Variants in ZNF566 observed in about 807,000 individuals in gnomAD.
ZNF566 encodes the protein zinc finger protein 566.
In ZNF566, 27 loss-of-function variants were observed where a neutral mutation model predicts 32.8. The ratio of observed to expected loss-of-function variants is 0.82; its 90% CI spans 0.61 to 1.14. The LOEUF is 1.14. Ranked by LOEUF, ZNF566 falls within the 50% of genes most tolerant of loss-of-function variation. ZNF566 has a pLI of 0.00. For missense variants in ZNF566, 402 were observed against 490.4 expected (o/e 0.82, Z 1.70); for synonymous variants, 154 against 159.5 (o/e 0.97, Z 0.26).
intron 1 of ZNF566, among the ~76,000 whole-genome samples, chr19:36,479,705 G>C (rs2033978495): frequency 6.6e-6 from 1 of 152,228 alleles, no homozygotes; most frequent in Non-Finnish European, 1.5e-5. Flanking sequence ...CACGATCAAA[G>C]CTCGCTGTAG....
At chr19:36,478,027 T>G (rs1239820523) in intron 1 of ZNF566, among the ~76,000 whole-genome samples, 1 of 152,138 alleles carries the variant, frequency 6.6e-6, no homozygotes, top group African/African-American at 2.4e-5. Context: ...AAGAGCACTA[T>G]TATTCTCTAT....
At chr19:36,455,192 T>A (rs990700048) in intron 4 of ZNF566, among the ~76,000 whole-genome samples, 5 of 152,084 alleles carry the variant, frequency 3.3e-5, no homozygotes, top group African/African-American at 1.2e-4. Context: ...CTCAACAAAT[T>A]AGGTGTACAA....
chr19:36,477,911 A>AG (rs2033937309), intron 1 of ZNF566, among the ~76,000 whole-genome samples: 1 of 152,194 alleles, frequency 6.6e-6, no homozygotes, highest in South Asian at 2.1e-4. Context: ...ACATTGTTTA[A>AG]GGGGAAGAAC....
intron 1 of ZNF566, among the ~76,000 whole-genome samples, chr19:36,488,405 T>G (rs1374715806): frequency 6.6e-6 from 1 of 152,170 alleles, no homozygotes; most frequent in Non-Finnish European, 1.5e-5. Context: ...TACAAAAATT[T>G]TTTTAACTCT....
At chr19:36,471,638 C>A (rs1051411991) in intron 4 of ZNF566, among the ~76,000 whole-genome samples, 3 of 152,156 alleles carry the variant, frequency 2.0e-5, no homozygotes, top group South Asian at 4.1e-4. Flanking sequence ...TCCTCTACTT[C>A]TTATTTCTTT....
chr19:36,464,197 A>C (rs2033554894), intron 4 of ZNF566, among the ~76,000 whole-genome samples: 1 of 152,212 alleles, frequency 6.6e-6, no homozygotes, highest in Non-Finnish European at 1.5e-5. Context: ...AACAAGAGTA[A>C]TTAAGGCAGG....
intron 1 of ZNF566, among the ~76,000 whole-genome samples, chr19:36,482,490 G>A (rs1397982548): frequency 6.6e-6 from 1 of 151,016 alleles, no homozygotes; most frequent in Non-Finnish European, 1.5e-5. Flanking sequence ...ATCCTTAAAT[G>A]TAAGAAAAAT....
At chr19:36,472,849 C>T (rs776825394) in intron 4 of ZNF566, 62 bp downstream of exon 4, 2 of 1,342,014 alleles carry the variant, frequency 1.5e-6, no homozygotes, top group Non-Finnish European at 2.1e-6. Flanking sequence ...TCCCAGATAG[C>T]ATCTAAAAGA....
At chr19:36,483,227 CAT>C (rs1363097225) in intron 1 of ZNF566, among the ~76,000 whole-genome samples, 1 of 152,178 alleles carries the variant, frequency 6.6e-6, no homozygotes, top group Non-Finnish European at 1.5e-5. Flanking sequence ...TAGAATTAAA[CAT>C]ATGAGTGTAA....
chr19:36,461,220 G>A (rs1332048606), intron 4 of ZNF566, among the ~76,000 whole-genome samples: 7 of 152,166 alleles, frequency 4.6e-5, no homozygotes. Context: ...TAAATCCCCT[G>A]ATAGCTTGAG....
rs560803094 is a variant in ZNF566, at chr19:36,467,790, CAAAAAAA to C, written c.232+5114_232+5120del. Reference sequence around the variant, plus strand: ...TGGGTGACAGAGCGAGACTCCATCTCAAAAAAAAAAAAAAAAAAAAAAAAAAAAAAAA... The same window carrying C: ...TGGGTGACAGAGCGAGACTCCATCTCAAAAAAAAAAAAAAAAAAAAAAAAA... On this transcript the variant is annotated intron_variant, in intron 4 of 4. Transcript: ENST00000452939. Among the ~76,000 whole-genome samples, 59 of 85,910 alleles carry C rather than the reference CAAAAAAA, an allele frequency of 6.9e-4. 1 individual carries two copies. The East Asian group carries it at 0.019, about 28-fold the overall frequency. The allele number at this position is 85,910 out of a possible 152,430, so 56.4% of individuals were successfully genotyped here. A position where few individuals can be genotyped will look rare whatever the true frequency, so the allele number is the denominator to read the frequency against.
intron 4 of ZNF566, among the ~76,000 whole-genome samples, chr19:36,460,891 A>G (rs2033444088): frequency 6.6e-6 from 1 of 152,218 alleles, no homozygotes; most frequent in Non-Finnish European, 1.5e-5. Flanking sequence ...GAGGCCAGAA[A>G]AAAATTGGAA....
chr19:36,458,721 T>C (rs890619307), intron 4 of ZNF566, among the ~76,000 whole-genome samples: 16 of 152,356 alleles, frequency 1.1e-4, no homozygotes, highest in Non-Finnish European at 1.6e-4. Context: ...GATCTTAATG[T>C]TCTTACCACA....
chr19:36,450,008 G>T lies in ZNF566; in HGVS notation c.233-7C>A, dbSNP rs767582150. 1 of 1,575,818 alleles carries T rather than the reference G, an allele frequency of 6.3e-7. No homozygotes were observed. Among genetic ancestry groups the T allele is most frequent in the South Asian group, 1.2e-5 (1 of 84,518 alleles). Reference sequence around the variant, plus strand: ...TCACATCTTGATTCCAGGACTGAAAGAAAATATGAAAGTAATCACTCACAT... The same window carrying T: ...TCACATCTTGATTCCAGGACTGAAATAAAATATGAAAGTAATCACTCACAT... On this transcript the variant is annotated splice_polypyrimidine_tract_variant and splice_region_variant and intron_variant, in intron 4 of 4. Transcript: ENST00000452939.
chr19:36,457,236 C>T lies in ZNF566; in HGVS notation c.233-7235G>A, dbSNP rs145987708. 1.1e-4 allele frequency among the ~76,000 whole-genome samples: 16 copies of T among 152,178 alleles called. No homozygotes were observed. The East Asian group carries it at 2.1e-3, about 20-fold the overall frequency. ...ATTGAATTCCTATTGCATACATATA[C>T]GAAAGTCAACTCAAAATGGATTAAA... On this transcript the variant is annotated intron_variant, in intron 4 of 4. Transcript: ENST00000452939.
intron 4 of ZNF566, among the ~76,000 whole-genome samples, chr19:36,453,551 C>A (rs1157020916): frequency 1.3e-5 from 2 of 150,346 alleles, no homozygotes; most frequent in African/African-American, 4.9e-5. Context: ...AATAAACCTA[C>A]AATCATTTGC....
intron 2 of ZNF566, 42 bp from the exon 3 acceptor site, chr19:36,473,500 A>G: frequency 6.7e-7 from 1 of 1,502,492 alleles, no homozygotes; most frequent in Non-Finnish European, 8.9e-7. Context: ...AATTTTTTAA[A>G]AAGTACTTTT....
At position 36,449,481 on chromosome 19, in the gene ZNF566, AC is replaced by A. The variant is rs1280413585; in HGVS notation, c.752del (p.Gly251ValfsTer197). ...DLTRHHRIHT[G>X]EKPYECKECG... Reference sequence around the variant, plus strand: ...ATTCCTTACATTCATAGGGTTTCTCACCAGTGTGAATTCTGTGATGTCGAGT... The same window carrying A: ...ATTCCTTACATTCATAGGGTTTCTCACAGTGTGAATTCTGTGATGTCGAGT... On this transcript the variant is annotated frameshift_variant, in exon 5 of 5. Transcript: ENST00000452939. LOFTEE classifies it high-confidence loss of function. 6.8e-6 allele frequency: 11 copies of A among 1,613,940 alleles called. No homozygotes were observed. The highest frequency in any genetic ancestry group is 9.3e-6 in the Non-Finnish European group (11 of 1,179,968).
intron 4 of ZNF566, chr19:36,456,401 A>AT (rs2033313537): frequency 2.0e-5 from 3 of 148,846 alleles, no homozygotes; most frequent in African/African-American, 7.5e-5. Flanking sequence ...AAAAAAAAAA[A>AT]AATTAGCCGG....
Sources: allele counts gnomAD v4.1 joint callset (sites outside exome capture counted in the v4.1 genomes callset), GRCh38; gene constraint gnomAD v4.1.1; transcripts MANE v1.5; gene names NCBI Gene and HGNC (gene_info 2026-07-23, HGNC 2026-07-21).